Variants in PLXNA4 observed in about 807,000 individuals in gnomAD.
PLXNA4 encodes the protein plexin-A4.
A neutral mutation model predicts 191.8 loss-of-function variants in PLXNA4; 44 were observed. The ratio of observed to expected loss-of-function variants is 0.23; its 90% confidence interval spans 0.18 to 0.29. PLXNA4 has a LOEUF of 0.29. Ranked by LOEUF, PLXNA4 falls within the 10% of genes least tolerant of loss-of-function variation. The pLI, the probability that PLXNA4 is intolerant of heterozygous loss-of-function variation, is 1.00. For missense variants in PLXNA4, 1,800 were observed against 2,488.8 expected (o/e 0.72, Z 5.89); for synonymous variants, 1,082 against 1,009.5 (o/e 1.07, Z -1.36).
intron 3 of PLXNA4, among the ~76,000 whole-genome samples, chr7:132,471,008 G>A (rs1372599833): frequency 6.6e-6 from 1 of 152,140 alleles, no homozygotes; most frequent in Non-Finnish European, 1.5e-5. Flanking sequence ...ATTGGAGGTG[G>A]GGCCTTGGGG....
chr7:132,414,535 A>G (rs1794586463), intron 3 of PLXNA4, among the ~76,000 whole-genome samples: 1 of 152,178 alleles, frequency 6.6e-6, no homozygotes, highest in Non-Finnish European at 1.5e-5. Flanking sequence ...AGAAAAAAAT[A>G]TCCACACAGA....
intron 12 of PLXNA4, among the ~76,000 whole-genome samples, chr7:132,200,548 G>T (rs1053134869): frequency 6.6e-6 from 1 of 152,220 alleles, no homozygotes; most frequent in African/African-American, 2.4e-5. Context: ...AGTGGGGACT[G>T]AGAGAAACTC....
At chr7:132,579,811 A>G (rs1415923919), upstream of PLXNA4, among the ~76,000 whole-genome samples, 2 of 152,124 alleles carry the variant, frequency 1.3e-5, no homozygotes, top group African/African-American at 4.8e-5. Context: ...TAAAAGGCAT[A>G]CCAAAGGGGG....
At chr7:132,395,641 C>T (rs1793727204) in intron 3 of PLXNA4, among the ~76,000 whole-genome samples, 1 of 152,236 alleles carries the variant, frequency 6.6e-6, no homozygotes, top group Non-Finnish European at 1.5e-5. Flanking sequence ...ATGCAGGCAG[C>T]CTCTGATAGG....
At chr7:132,461,826 A>C (rs1310897144) in intron 3 of PLXNA4, among the ~76,000 whole-genome samples, 2 of 152,260 alleles carry the variant, frequency 1.3e-5, no homozygotes. Context: ...AGGTTGACAT[A>C]ATAACAGTCT....
intron 3 of PLXNA4, among the ~76,000 whole-genome samples, chr7:132,465,434 A>G (rs1265649568): frequency 2.6e-5 from 4 of 152,222 alleles, no homozygotes; most frequent in Non-Finnish European, 5.9e-5. Context: ...AAGTTTTACA[A>G]TCTTTGTTCC....
chr7:132,561,501 C>G (rs879096607), intron 1 of PLXNA4, among the ~76,000 whole-genome samples: 1 of 132,584 alleles, frequency 7.5e-6, no homozygotes, highest in Admixed American at 7.3e-5. Flanking sequence ...TTCTCCTCCC[C>G]CACCTCCTCC....
intron 24 of PLXNA4, among the ~76,000 whole-genome samples, chr7:132,163,436 TAA>T (rs1771755570): frequency 1.3e-5 from 2 of 152,182 alleles, no homozygotes; most frequent in African/African-American, 4.8e-5. Context: ...TTTTTTCAGA[TAA>T]AGAGACCCAA....
intron 30 of PLXNA4, among the ~76,000 whole-genome samples, chr7:132,136,540 C>T (rs1449199493): frequency 6.6e-6 from 1 of 152,166 alleles, no homozygotes; most frequent in Non-Finnish European, 1.5e-5. Context: ...GAGGTCCTGA[C>T]ATCAGGCCTC....
At chr7:132,162,768 C>T (rs1043084043) in intron 24 of PLXNA4, among the ~76,000 whole-genome samples, 5 of 152,100 alleles carry the variant, frequency 3.3e-5, no homozygotes, top group Non-Finnish European at 7.4e-5. Context: ...AGCCAATCCC[C>T]ACAAATCTGT....
chr7:132,273,746 C>A (rs1800166216), intron 4 of PLXNA4, among the ~76,000 whole-genome samples: 1 of 152,058 alleles, frequency 6.6e-6, no homozygotes, highest in Non-Finnish European at 1.5e-5. Flanking sequence ...CTCTGTAACA[C>A]CAGCTCTCAT....
intron 3 of PLXNA4, among the ~76,000 whole-genome samples, chr7:132,469,855 A>G (rs1796866735): frequency 6.6e-6 from 1 of 152,258 alleles, no homozygotes; most frequent in Non-Finnish European, 1.5e-5. Context: ...AAACAGAAAC[A>G]AAACACAACA....
intron 4 of PLXNA4, among the ~76,000 whole-genome samples, chr7:132,253,641 A>C (rs1207943312): frequency 1.3e-5 from 2 of 152,186 alleles, no homozygotes; most frequent in Non-Finnish European, 2.9e-5. Flanking sequence ...CCTTCTGACC[A>C]GTAGCACCCT....
chr7:132,170,841 C>A (rs1247745602), intron 21 of PLXNA4, among the ~76,000 whole-genome samples: 1 of 152,260 alleles, frequency 6.6e-6, no homozygotes, highest in Non-Finnish European at 1.5e-5. Flanking sequence ...GGTCCATTTT[C>A]ATTTCTCTCA....
At chr7:132,414,133 C>T (rs1794569670) in intron 3 of PLXNA4, among the ~76,000 whole-genome samples, 1 of 152,186 alleles carries the variant, frequency 6.6e-6, no homozygotes. Flanking sequence ...AATGGAAAAG[C>T]CCCGGTTGCT....
intron 3 of PLXNA4, among the ~76,000 whole-genome samples, chr7:132,424,564 C>T (rs113178701): frequency 1.3e-5 from 2 of 152,264 alleles, no homozygotes; most frequent in African/African-American, 4.8e-5. Context: ...CAGCCTCATT[C>T]CTGCCCAGGG....
intron 2 of PLXNA4, among the ~76,000 whole-genome samples, chr7:132,497,654 C>T (rs1003034114): frequency 2.0e-5 from 3 of 152,180 alleles, no homozygotes; most frequent in African/African-American, 4.8e-5. Context: ...TGACTCCTAG[C>T]CCTCCCCAGA....
At chr7:132,395,571 C>T (rs1454069889) in intron 3 of PLXNA4, among the ~76,000 whole-genome samples, 1 of 152,222 alleles carries the variant, frequency 6.6e-6, no homozygotes, top group East Asian at 1.9e-4. Flanking sequence ...GCCATGTGGC[C>T]CCTGACATGC....
chr7:132,196,115 G>A (rs1797247251), intron 13 of PLXNA4, among the ~76,000 whole-genome samples: 1 of 152,156 alleles, frequency 6.6e-6, no homozygotes, highest in Non-Finnish European at 1.5e-5. Flanking sequence ...AAGACCATGG[G>A]GTAGATGCCA....
Sources: gnomAD v4.1 joint callset for allele counts (sites outside exome capture counted in the v4.1 genomes callset) on GRCh38, gnomAD v4.1.1 for gene constraint, MANE v1.5 for transcripts, NCBI Gene and HGNC (gene_info 2026-07-23, HGNC 2026-07-21) for gene names.